Variants in GLIS3 observed in about 807,000 individuals in gnomAD.
GLIS3 encodes the protein zinc finger protein GLIS3.
In GLIS3, 53 loss-of-function variants were observed where a neutral mutation model predicts 78.6. That is an observed-to-expected ratio of 0.67 (90% CI 0.54 to 0.85). The LOEUF (loss-of-function observed/expected upper bound fraction) is 0.85, where lower values mean the gene tolerates loss of function less well. Ranked by LOEUF, GLIS3 falls within the 40% of genes least tolerant of loss-of-function variation. The pLI is 0.00. For missense variants in GLIS3, 1,703 were observed against 1,231.1 expected (o/e 1.38, Z -5.74); for synonymous variants, 684 against 509.9 (o/e 1.34, Z -4.60).
rs1818914537 is a variant in GLIS3 at position 3,977,817 on chromosome 9, AC to A, written c.1711-40629del. ...TTCTTAATTGAATTGAACCAGGAAC[AC>A]TAGCAGTCATCACCATTTCTACAGC... On this transcript the variant is annotated intron_variant, in intron 4 of 10. Transcript: ENST00000381971. This position sits in a 1 kb window ranked among gnomAD's most constrained non-coding sequence, Gnocchi z 4.1. Among the ~76,000 whole-genome samples, 1 of 152,228 alleles carries A rather than the reference AC, an allele frequency of 6.6e-6. No individual in the cohort carries two copies. Among genetic ancestry groups the A allele is most frequent in the African/African-American group, 2.4e-5 (1 of 41,468 alleles).
At chr9:4,210,477 T>G (rs924492587) in intron 2 of GLIS3, among the ~76,000 whole-genome samples, 2 of 152,184 alleles carry the variant, frequency 1.3e-5, no homozygotes, top group African/African-American at 4.8e-5. Context: ...TAGAATAGAA[T>G]AGAATTTCAA....
rs79616671 is a variant in GLIS3, at chr9:4,015,982, A to T, written c.1711-78793T>A. 5.8e-3 allele frequency among the ~76,000 whole-genome samples: 888 copies of T among 152,104 alleles called. 13 individuals are homozygous for T. Among genetic ancestry groups the T allele is most frequent in the East Asian group, 0.038 (194 of 5,172 alleles). ...AATAGGAATTTGGTAAATACTGTAT[A>T]GCTAATAAATTGTCTCAATTATACA... On this transcript the variant is annotated intron_variant, in intron 4 of 10. Transcript: ENST00000381971.
the GLIS3 span, among the ~76,000 whole-genome samples, chr9:4,392,476 T>C: frequency 6.6e-6 from 1 of 152,162 alleles, no homozygotes; most frequent in Non-Finnish European, 1.5e-5. Flanking sequence ...AGGTAGAACC[T>C]GCCTCCTCTC....
In GLIS3 at chr9:4,084,350, C is replaced by G. The variant is rs577473258; in HGVS notation, c.1710+33418G>C. Among the ~76,000 whole-genome samples the G allele has an allele frequency of 9.9e-5, 15 of 151,682 alleles. No homozygotes were observed. The East Asian group carries it at 2.5e-3, about 25-fold the overall frequency. ...GGCCTGTGGGATATCTCTTATCTTG[C>G]GGTTCTCTACATTTGAAGAACCTTT... is the stretch of plus-strand genomic sequence containing the variant. On this transcript the variant is annotated intron_variant, in intron 4 of 10. Transcript: ENST00000381971.
In GLIS3 at chr9:4,166,213, T is replaced by C. The variant is rs116207311; in HGVS notation, c.389-40272A>G. On this transcript the variant is annotated intron_variant, in intron 2 of 10. Transcript: ENST00000381971. The stretch of plus-strand genomic sequence containing the variant: ...TATTAAGCATCCAAAAACTGTTAGC[T>C]ATAATCAATACGTTTATTAAGAGGC... Among the ~76,000 whole-genome samples the C allele has an allele frequency of 8.2e-3, 1,256 of 152,294 alleles. 19 individuals carry two copies. Among genetic ancestry groups the C allele is most frequent in the African/African-American group, 0.028 (1,184 of 41,554 alleles).
intron 2 of GLIS3, among the ~76,000 whole-genome samples, chr9:4,222,271 A>C (rs764210780): frequency 6.6e-6 from 1 of 152,084 alleles, no homozygotes. Context: ...CTCTTCTCCT[A>C]TTGCAACCCC....
At chr9:4,229,531 C>CTAA (rs1419834375) in intron 2 of GLIS3, among the ~76,000 whole-genome samples, 1 of 152,164 alleles carries the variant, frequency 6.6e-6, no homozygotes, top group African/African-American at 2.4e-5. Flanking sequence ...ACAGTGTTAT[C>CTAA]CTTAAACGTA....
chr9:4,301,984 ATTTTTTTC>A (rs1817093235), upstream of GLIS3, among the ~76,000 whole-genome samples: 1 of 148,558 alleles, frequency 6.7e-6, no homozygotes, highest in Admixed American at 6.8e-5. Context: ...CTTTGGTTGA[ATTTTTTTC>A]TTTTTTTTTT....
At chr9:4,460,196 A>T in the GLIS3 span, among the ~76,000 whole-genome samples, 6 of 152,164 alleles carry the variant, frequency 3.9e-5, no homozygotes, top group African/African-American at 1.4e-4. Context: ...GACCATGGGC[A>T]TTCTTGAAAT....
intron 9 of GLIS3, among the ~76,000 whole-genome samples, chr9:3,848,539 T>G (rs1329672191): frequency 6.6e-6 from 1 of 152,078 alleles, no homozygotes; most frequent in Non-Finnish European, 1.5e-5. Context: ...AAAAATAACC[T>G]TTAAATATTT....
chr9:4,108,734 G>C (rs1564060766), intron 4 of GLIS3, among the ~76,000 whole-genome samples: 1 of 152,104 alleles, frequency 6.6e-6, no homozygotes, highest in Admixed American at 6.5e-5. Context: ...CTAAAACACA[G>C]AAAAGATAAC....
the GLIS3 span, among the ~76,000 whole-genome samples, chr9:4,437,462 ATCTATC>A: frequency 5.4e-3 from 584 of 107,800 alleles, 4 homozygotes; most frequent in Middle Eastern, 0.013. Context: ...CTATCTATCT[ATCTATC>A]TATATATCAT....
intron 4 of GLIS3, among the ~76,000 whole-genome samples, chr9:4,115,638 A>C (rs1564069514): frequency 6.6e-6 from 1 of 152,146 alleles, no homozygotes; most frequent in Admixed American, 6.5e-5. Context: ...CAAATCAAGC[A>C]GATGACAATG....
At chr9:3,930,937 T>G (rs380295) in intron 6 of GLIS3, among the ~76,000 whole-genome samples, 1 of 152,102 alleles carries the variant, frequency 6.6e-6, no homozygotes, top group African/African-American at 2.4e-5. Context: ...GTTAATAGCA[T>G]GCAAAAAGGG....
chr9:4,119,088 A>G (rs569855552), intron 3 of GLIS3, among the ~76,000 whole-genome samples: 1 of 152,322 alleles, frequency 6.6e-6, no homozygotes, highest in East Asian at 1.9e-4. Flanking sequence ...AAGAACAATA[A>G]AACCTAATGC....
At chr9:4,133,859 C>CACACAG (rs1429336096) in intron 2 of GLIS3, among the ~76,000 whole-genome samples, 3 of 98,250 alleles carry the variant, frequency 3.1e-5, no homozygotes, top group African/African-American at 1.2e-4. Flanking sequence ...CACACACACA[C>CACACAG]ACACACACAC....
intron 6 of GLIS3, among the ~76,000 whole-genome samples, chr9:3,914,294 C>T (rs1824351844): frequency 6.6e-6 from 1 of 151,330 alleles, no homozygotes; most frequent in Non-Finnish European, 1.5e-5. Flanking sequence ...TACAGCTGTA[C>T]ACCACCAAAT....
At position 4,286,199 on chromosome 9, in the gene GLIS3, T is replaced by C. The variant is rs2130342923; in HGVS notation, c.227A>G (p.Glu76Gly). Residue 76 changes from glutamate to glycine, a missense_variant, in exon 2 of 11, where the codon GAG (glutamate) becomes GGG (glycine). Transcript: ENST00000381971. ...GGMAPQNNVA[E>G]SRIHLPALSP... ...TAAGGCAGGCAGATGGATGCGGCTC[T>C]CAGCCACGTTGTTCTGAGGAGCCAT... 3 of 1,614,252 alleles carry C rather than the reference T, an allele frequency of 1.9e-6. No homozygotes were observed. The highest frequency in any genetic ancestry group is 2.5e-6 in the Non-Finnish European group (3 of 1,180,042).
At chr9:4,280,445 C>G (rs777810039) in intron 2 of GLIS3, among the ~76,000 whole-genome samples, 2 of 152,068 alleles carry the variant, frequency 1.3e-5, no homozygotes, top group Non-Finnish European at 2.9e-5. Context: ...ATTTGGAGGT[C>G]ACAATGTCTG....
Sources: allele counts gnomAD v4.1 joint callset (sites outside exome capture counted in the v4.1 genomes callset), GRCh38; gene constraint gnomAD v4.1.1; non-coding constraint Gnocchi (gnomAD v3.1); transcripts MANE v1.5; gene names NCBI Gene and HGNC (gene_info 2026-07-23, HGNC 2026-07-21).